ZNF93: variants seen among roughly 807,000 people sequenced by gnomAD.
ZNF93 encodes zinc finger protein 505.
Under a neutral mutation model 45.0 loss-of-function variants are expected in ZNF93, and 29 were observed. The observed-to-expected ratio is 0.64, with a 90% CI of 0.48 to 0.88. ZNF93 has a LOEUF of 0.88. Ranked by LOEUF, ZNF93 falls within the 40% of genes least tolerant of loss-of-function variation. The probability of loss-of-function intolerance (pLI) is 0.00; values close to 1 mark genes in which losing one functional copy is unlikely to be tolerated. For missense variants in ZNF93, 578 were observed against 724.0 expected (o/e 0.80, Z 2.31); for synonymous variants, 223 against 244.6 (o/e 0.91, Z 0.82).
At chr19:19,910,541 C>T (rs2063304870) in intron 1 of ZNF93, among the ~76,000 whole-genome samples, 1 of 152,134 alleles carries the variant, frequency 6.6e-6, no homozygotes, top group Non-Finnish European at 1.5e-5. Context: ...TGTCTTGTAA[C>T]TGCTGGTAAT....
chr19:19,925,875 G>C lies in ZNF93; in HGVS notation c.227-7307G>C, dbSNP rs2063354528. ...AATTGGATTACAGCAGTTTCATTTT[G>C]TGTAAGAATAGCATATATTTAAAAC... On this transcript the variant is annotated intron_variant, in intron 3 of 3. Coordinates refer to ENST00000343769, the MANE Select transcript of ZNF93 (RefSeq NM_031218.4). Among the ~76,000 whole-genome samples the C allele has an allele frequency of 2.0e-5, 3 of 152,004 alleles. No homozygotes were observed. In the South Asian group the frequency reaches 6.2e-4, roughly 32 times the overall value.
intron 1 of ZNF93, among the ~76,000 whole-genome samples, chr19:19,903,964 CAGG>C (rs781148353): frequency 5.3e-5 from 8 of 150,148 alleles, no homozygotes; most frequent in Non-Finnish European, 1.2e-4. Context: ...GAGGCTGAGG[CAGG>C]AGAATTGCTT....
chr19:19,934,871 AC>A lies in ZNF93; in HGVS notation c.*54del. ...AAGTGGTCCTCACACCTTACTATAC[AC>A]TGAGAGTTCTGAACTTACTCTGTAA... On this transcript the variant is annotated 3_prime_UTR_variant, in exon 4 of 4. Coordinates refer to ENST00000343769, the MANE Select transcript of ZNF93 (RefSeq NM_031218.4). 2 of 1,533,152 alleles carry A rather than the reference AC, an allele frequency of 1.3e-6. No homozygotes were observed. The highest frequency in any genetic ancestry group is 1.8e-6 in the Non-Finnish European group (2 of 1,136,474). The allele number at this position is 1,533,152 out of a possible 1,614,324, so 95.0% of individuals were successfully genotyped here. A position where few individuals can be genotyped will look rare whatever the true frequency, so the allele number is the denominator to read the frequency against.
At chr19:19,913,658 T>A (rs958390871) in intron 1 of ZNF93, among the ~76,000 whole-genome samples, 5 of 152,180 alleles carry the variant, frequency 3.3e-5, no homozygotes, top group African/African-American at 1.2e-4. Flanking sequence ...GAATCTCTTC[T>A]GTTTTAAAGG....
intron 1 of ZNF93, among the ~76,000 whole-genome samples, chr19:19,910,443 G>T (rs1194429032): frequency 6.6e-6 from 1 of 151,874 alleles, no homozygotes. Context: ...ATCAATAATC[G>T]ATGTTATTTC....
intron 1 of ZNF93, among the ~76,000 whole-genome samples, chr19:19,903,828 T>C (rs2063284261): frequency 6.6e-6 from 1 of 151,592 alleles, no homozygotes; most frequent in Non-Finnish European, 1.5e-5. Context: ...CCGAGCACTG[T>C]GGGAGGCAGA....
intron 3 of ZNF93, among the ~76,000 whole-genome samples, chr19:19,930,051 T>C (rs1041486275): frequency 6.7e-6 from 1 of 149,678 alleles, no homozygotes; most frequent in African/African-American, 2.5e-5. Flanking sequence ...AGACCGATAG[T>C]GGCCCCGAAT....
rs1006501843 is a variant in ZNF93 at position 19,929,714 on chromosome 19, G to A, written c.227-3468G>A. Among the ~76,000 whole-genome samples, 6 of 151,804 alleles carry A rather than the reference G, an allele frequency of 4.0e-5. No homozygotes were observed. In the South Asian group the frequency reaches 6.2e-4, roughly 16 times the overall value. On this transcript the variant is annotated intron_variant, in intron 3 of 3. Coordinates refer to ENST00000343769, the MANE Select transcript of ZNF93 (RefSeq NM_031218.4). ...AGCACTTTGGGAGGCCGAGGCGGGC[G>A]GATCACGAGGTCAGGAGATCGAGAC...
At chr19:19,915,611 G>A (rs1214698501) in intron 2 of ZNF93, among the ~76,000 whole-genome samples, 5 of 152,016 alleles carry the variant, frequency 3.3e-5, no homozygotes, top group Admixed American at 2.0e-4. Context: ...AGGCTAGGGC[G>A]GAGGAGATTG....
At chr19:19,927,510 T>G (rs1285076254) in intron 3 of ZNF93, among the ~76,000 whole-genome samples, 2 of 152,190 alleles carry the variant, frequency 1.3e-5, no homozygotes, top group African/African-American at 4.8e-5. Context: ...GAGACAAGCC[T>G]TCTACTTTCT....
rs750503835 is a variant in ZNF93 at position 19,915,337 on chromosome 19, C to G, written c.61C>G (p.Leu21Val). Residue 21 changes from leucine (L) to valine (V), a missense_variant, in exon 2 of 4, where the codon CTG (leucine) becomes GTG (valine). This residue lies in a region of ZNF93 where 446 missense variants were observed against 547.6 expected (regional missense o/e 0.81). Coordinates refer to ENST00000343769, the MANE Select transcript of ZNF93 (RefSeq NM_031218.4). ...IEFSLEEWHCLDTAQRNLYRN... is the reference protein window; with the variant it reads ...IEFSLEEWHCVDTAQRNLYRN... ...ATTCTCTCTGGAGGAGTGGCATTGC[C>G]TGGACACTGCACAGCGGAATCTATA... 41 of 1,613,936 alleles carry G rather than the reference C, an allele frequency of 2.5e-5. No homozygotes were observed. Among genetic ancestry groups the G allele is most frequent in the Middle Eastern group, 1.6e-4 (1 of 6,084 alleles).
In ZNF93 at chr19:19,934,752, C is replaced by T. The variant is rs1230173472; in HGVS notation, c.1797C>T (p.Gly599=). The T allele has an allele frequency of 6.2e-7, 1 of 1,610,682 alleles. No homozygotes were observed. The highest frequency in any genetic ancestry group is 2.2e-5 in the East Asian group (1 of 44,872). ...AACCATACGAGTGTGATAAATGTGG[C>T]AAAGCCTTTATTTCACCCTCAAGCC... ...GEKPYECDKC[G]KAFISPSSLS... is the part of the protein sequence containing the mutation. Residue 599 remains glycine (G), a synonymous_variant, in exon 4 of 4, where the codon GGC becomes GGT. Coordinates refer to ENST00000343769, the MANE Select transcript of ZNF93 (RefSeq NM_031218.4).
chr19:19,921,772 C>G (rs928218160), intron 3 of ZNF93, among the ~76,000 whole-genome samples: 1 of 151,414 alleles, frequency 6.6e-6, no homozygotes, highest in African/African-American at 2.4e-5. Context: ...CAACCCCTGC[C>G]TTTTTTTGTT....
At chr19:19,924,867 A>G (rs1198656384) in intron 3 of ZNF93, among the ~76,000 whole-genome samples, 1 of 152,230 alleles carries the variant, frequency 6.6e-6, no homozygotes, top group African/African-American at 2.4e-5. Flanking sequence ...CTGGAATTAC[A>G]GGCATGAGGC....
At chr19:19,904,003 G>C (rs2063284956) in intron 1 of ZNF93, among the ~76,000 whole-genome samples, 1 of 150,030 alleles carries the variant, frequency 6.7e-6, no homozygotes, top group Non-Finnish European at 1.5e-5. Flanking sequence ...AGGTTGCAGT[G>C]AACCGAGATT....
intron 3 of ZNF93, among the ~76,000 whole-genome samples, chr19:19,929,100 G>C (rs1009095200): frequency 6.6e-6 from 1 of 152,146 alleles, no homozygotes; most frequent in African/African-American, 2.4e-5. Flanking sequence ...AGTTTACACT[G>C]TATCAATTCA....
intron 3 of ZNF93, among the ~76,000 whole-genome samples, chr19:19,919,792 C>T (rs966829583): frequency 6.6e-6 from 1 of 152,140 alleles, no homozygotes; most frequent in Non-Finnish European, 1.5e-5. Context: ...GTGATTTTTT[C>T]ACATTGATTT....
At chr19:19,930,291 T>C (rs923369487) in intron 3 of ZNF93, among the ~76,000 whole-genome samples, 25 of 152,272 alleles carry the variant, frequency 1.6e-4, no homozygotes, top group African/African-American at 4.1e-4. Context: ...GCTACTCTTA[T>C]CTAAAAGGCA....
chr19:19,921,446 T>C (rs1175525828), intron 3 of ZNF93, among the ~76,000 whole-genome samples: 2 of 152,158 alleles, frequency 1.3e-5, no homozygotes, highest in Non-Finnish European at 2.9e-5. Flanking sequence ...GTTCTGTGGA[T>C]GTCTGTTAGG....
Sources: gnomAD v4.1 joint callset for allele counts (sites outside exome capture counted in the v4.1 genomes callset) on GRCh38, gnomAD v4.1.1 for gene constraint, gnomAD v4.1.1 regional missense constraint, MANE v1.5 for transcripts, NCBI Gene and HGNC (gene_info 2026-07-23, HGNC 2026-07-21) for gene names.